Variants in ZNF280B observed in about 807,000 individuals in gnomAD.
The protein encoded by ZNF280B is suppressor of hairy wing homolog 2.
ZNF280B carries 16 observed loss-of-function variants against 38.0 expected under a neutral mutation model. The observed-to-expected ratio is 0.42, with a 90% CI of 0.28 to 0.64. The LOEUF is 0.64. Among genes scored for constraint, ZNF280B ranks in the 30% least tolerant of loss-of-function variants. The pLI is 0.21. For missense variants in ZNF280B, 581 were observed against 639.6 expected (o/e 0.91, Z 0.99); for synonymous variants, 253 against 230.6 (o/e 1.10, Z -0.88).
rs2061486234 is a variant in ZNF280B, at chr22:22,484,985, T to G, written c.*2782A>C. The G allele has an allele frequency of 6.6e-6, 1 of 152,176 alleles. No individual in the cohort carries two copies. The highest frequency in any genetic ancestry group is 2.1e-4 in the South Asian group (1 of 4,808). 9.4% of individuals were successfully genotyped at this position (152,176 alleles called of 1,614,324 possible). On this transcript the variant is annotated 3_prime_UTR_variant, in exon 4 of 4. Transcript: ENST00000626650. ...GCCATGCAGGCCTAGGGGAAGGGCA[T>G]TCTAAGAAAGACAACAGCATGTGCA... is the stretch of plus-strand genomic sequence containing the variant.
rs1296581980 is a variant in ZNF280B, at chr22:22,488,871, G to T, written c.528C>A (p.Ser176=). The part of the protein sequence containing the change: ...NESPRVSKQL[S]TFEVNSINPK... ...GATTTATGCTGTTTACTTCGAAAGT[G>T]GAAAGTTGCTTTGATACACGAGGAC... The change falls in exon 4 of 4, where the codon TCC becomes TCA. Residue 176 remains serine, a synonymous_variant. Transcript: ENST00000626650. 5.0e-6 allele frequency: 8 copies of T among 1,613,680 alleles called. 1 individual carries two copies. In the South Asian group the frequency reaches 7.7e-5, roughly 16 times the overall value.
At chr22:22,504,118 C>T (rs531186787) in intron 2 of ZNF280B, among the ~76,000 whole-genome samples, 1 of 152,020 alleles carries the variant, frequency 6.6e-6, no homozygotes, top group East Asian at 2.0e-4. Flanking sequence ...GTATAAGAAG[C>T]TAACAAAGAA....
chr22:22,501,871 G>A (rs977760108), intron 2 of ZNF280B, among the ~76,000 whole-genome samples: 7 of 151,818 alleles, frequency 4.6e-5, no homozygotes, highest in African/African-American at 7.3e-5. Context: ...TTAACCGGGC[G>A]TGGTAGAGTG....
intron 2 of ZNF280B, among the ~76,000 whole-genome samples, chr22:22,496,456 A>G (rs887238262): frequency 6.6e-6 from 1 of 151,908 alleles, no homozygotes; most frequent in Non-Finnish European, 1.5e-5. Flanking sequence ...TTACTTTTGA[A>G]AAAGTATTTA....
chr22:22,507,787 C>A (rs2061969807), intron 2 of ZNF280B, 23 bp downstream of exon 2: 2 of 152,038 alleles, frequency 1.3e-5, no homozygotes, highest in African/African-American at 4.8e-5. Flanking sequence ...TGGTCCTCAT[C>A]AGGGAGACTT....
chr22:22,501,753 T>A (rs1006888556), intron 2 of ZNF280B, among the ~76,000 whole-genome samples: 1 of 151,608 alleles, frequency 6.6e-6, no homozygotes, highest in Non-Finnish European at 1.5e-5. Context: ...CTCATACCTG[T>A]AATCCCAGTA....
At chr22:22,498,564 A>C (rs533835104) in intron 2 of ZNF280B, among the ~76,000 whole-genome samples, 108 of 151,994 alleles carry the variant, frequency 7.1e-4, no homozygotes, top group African/African-American at 2.4e-3. Flanking sequence ...AACAAGCAAT[A>C]GAATTAGTAA....
chr22:22,489,588 A>G (rs2061552839), intron 3 of ZNF280B, 122 bp from the exon 4 acceptor site: 1 of 544,874 alleles, frequency 1.8e-6, no homozygotes, highest in Non-Finnish European at 3.2e-6. Context: ...GAAAGAGGAT[A>G]AATAACAGCT....
At position 22,485,045 on chromosome 22, in the gene ZNF280B, A is replaced by C. The variant is rs1015260753; in HGVS notation, c.*2722T>G. 1.3e-5 allele frequency: 2 copies of C among 152,356 alleles called. No individual in the cohort carries two copies. The highest frequency in any genetic ancestry group is 4.8e-5 in the African/African-American group (2 of 41,370). The allele number at this position is 152,356 out of a possible 1,614,324, so 9.4% of individuals were successfully genotyped here. On this transcript the variant is annotated 3_prime_UTR_variant, in exon 4 of 4. Transcript: ENST00000626650. ...GATTGGGAAGAATGTGATTTGCTTA[A>C]GGAATAGCAAGGCCAGTGTGTCAAA...
At chr22:22,490,613 A>G (rs1387584655) in intron 3 of ZNF280B, among the ~76,000 whole-genome samples, 1 of 151,860 alleles carries the variant, frequency 6.6e-6, no homozygotes, top group Admixed American at 6.6e-5. Context: ...GACTACAGGC[A>G]TGCACCACCA....
At chr22:22,509,005 A>T (rs2061998966), upstream of ZNF280B, 1 of 154,162 alleles carries the variant, frequency 6.5e-6, no homozygotes, top group Admixed American at 6.6e-5. Flanking sequence ...TCCAGAGCTG[A>T]GGGGGTATCC....
At chr22:22,508,306 C>A (rs537014621) in intron 1 of ZNF280B, among the ~76,000 whole-genome samples, 1 of 151,858 alleles carries the variant, frequency 6.6e-6, no homozygotes, top group Non-Finnish European at 1.5e-5. Flanking sequence ...ATACATTGAG[C>A]GCCAAAAGAG....
At chr22:22,506,982 G>A (rs2061952074) in intron 2 of ZNF280B, among the ~76,000 whole-genome samples, 1 of 151,904 alleles carries the variant, frequency 6.6e-6, no homozygotes, top group African/African-American at 2.4e-5. Flanking sequence ...GGAAGTGATG[G>A]TATGCCACTT....
intron 3 of ZNF280B, among the ~76,000 whole-genome samples, chr22:22,493,545 G>A (rs2061638390): frequency 6.6e-6 from 1 of 151,890 alleles, no homozygotes; most frequent in Non-Finnish European, 1.5e-5. Context: ...TTGTAAACCT[G>A]TTCAAACCTC....
chr22:22,488,682 A>C lies in ZNF280B; in HGVS notation c.717T>G (p.Phe239Leu). 6.2e-6 allele frequency: 10 copies of C among 1,613,730 alleles called. No homozygotes were observed. The highest frequency in any genetic ancestry group is 8.5e-6 in the Non-Finnish European group (10 of 1,179,840). ...VQNGAPFPAA[F>L]PKDNIHFKPI... Reference sequence around the variant, plus strand: ...GCTTGAAATGGATATTGTCCTTTGGAAAAGCTGCTGGAAAAGGTGCTCCAT... The same window carrying C: ...GCTTGAAATGGATATTGTCCTTTGGCAAAGCTGCTGGAAAAGGTGCTCCAT... The change falls in exon 4 of 4, where the codon TTT becomes TTG. Residue 239 changes from phenylalanine (F) to leucine (L), a missense_variant. Physicochemically the swap from Phe to Leu is conservative, Grantham distance 22. Coordinates refer to ENST00000626650, the MANE Select transcript of ZNF280B (RefSeq NM_080764.4).
In ZNF280B at chr22:22,499,384, C is replaced by A. The variant is rs957255793; in HGVS notation, c.-186-5204G>T. Among the ~76,000 whole-genome samples, 6 of 152,010 alleles carry A rather than the reference C, an allele frequency of 3.9e-5. No individual in the cohort carries two copies. In the East Asian group the frequency reaches 7.9e-4, roughly 20 times the overall value. On this transcript the variant is annotated intron_variant, in intron 2 of 3. Coordinates refer to ENST00000626650, the MANE Select transcript of ZNF280B (RefSeq NM_080764.4). ...GGTTCAAGCAATTCTCCTGCCTCTG[C>A]CTCCCAAGTAGCTGGGATTACAGGC...
chr22:22,486,730 C>T lies in ZNF280B; in HGVS notation c.*1037G>A, dbSNP rs2061507043. The T allele has an allele frequency of 2.0e-5, 3 of 151,968 alleles. No individual in the cohort carries two copies. The highest frequency in any genetic ancestry group is 1.3e-4 in the Admixed American group (2 of 15,242). 9.4% of individuals were successfully genotyped at this position (151,968 alleles called of 1,614,324 possible). A position where few individuals can be genotyped will look rare whatever the true frequency, so the allele number is the denominator to read the frequency against. On this transcript the variant is annotated 3_prime_UTR_variant, in exon 4 of 4. Transcript: ENST00000626650. ...AAGCATTTTACTTTGAATGGTTTGG[C>T]TTCCTTGGATGTTTTCAGGTAGGTA...
intron 2 of ZNF280B, among the ~76,000 whole-genome samples, chr22:22,507,351 G>A (rs1343004203): frequency 2.6e-5 from 4 of 151,916 alleles, no homozygotes; most frequent in Non-Finnish European, 5.9e-5. Flanking sequence ...CACGGCAATA[G>A]ATAACTAATA....
chr22:22,505,436 C>T (rs4820453), intron 2 of ZNF280B, among the ~76,000 whole-genome samples: 22,530 of 151,610 alleles, frequency 0.15, 1,963 homozygotes, highest in South Asian at 0.29. Flanking sequence ...TGTGCTGGCA[C>T]GTGCCTGTAG....
Sources: gnomAD v4.1 joint callset for allele counts (sites outside exome capture counted in the v4.1 genomes callset) on GRCh38, gnomAD v4.1.1 for gene constraint, MANE v1.5 for transcripts, NCBI Gene and HGNC (gene_info 2026-07-23, HGNC 2026-07-21) for gene names.